The following EDNRA variants were observed in gnomAD, a reference collection of about 807,000 sequenced individuals.
The protein encoded by EDNRA is endothelin receptor type A, also known as endothelin-1 receptor.
In EDNRA, 11 loss-of-function variants were observed where a neutral mutation model predicts 41.4. The ratio of observed to expected loss-of-function variants is 0.27; its 90% confidence interval spans 0.17 to 0.44. EDNRA has a LOEUF of 0.44. Ranked by LOEUF, EDNRA falls within the 20% of genes least tolerant of loss-of-function variation. The probability of loss-of-function intolerance (pLI) is 1.00; values close to 1 mark genes in which losing one functional copy is unlikely to be tolerated. For synonymous variants in EDNRA, 172 were observed against 183.0 expected (o/e 0.94, Z 0.49); for missense variants, 294 against 531.0 (o/e 0.55, Z 4.39).
intron 2 of EDNRA, chr4:147,495,410 G>C (rs1729270305): frequency 6.6e-6 from 1 of 152,114 alleles, no homozygotes; most frequent in South Asian, 2.1e-4. Flanking sequence ...CCTTCTTTAA[G>C]ACAGAAGTAA....
chr4:147,542,687 A>G lies in EDNRA; in HGVS notation c.*69A>G. The G allele has an allele frequency of 6.4e-7, 1 of 1,569,418 alleles. No homozygotes were observed. The highest frequency in any genetic ancestry group is 8.7e-7 in the Non-Finnish European group (1 of 1,155,162). Reference sequence around the variant, plus strand: ...AGAAAAAAATCACAAGGCAACTGTGAGTCCGGGAATCTCTTCTCTGATCCT... The same window carrying G: ...AGAAAAAAATCACAAGGCAACTGTGGGTCCGGGAATCTCTTCTCTGATCCT... On this transcript the variant is annotated 3_prime_UTR_variant, in exon 8 of 8. Transcript: ENST00000651419.
intron 2 of EDNRA, among the ~76,000 whole-genome samples, chr4:147,497,508 G>C (rs1729346854): frequency 6.6e-6 from 1 of 151,950 alleles, no homozygotes; most frequent in Non-Finnish European, 1.5e-5. Flanking sequence ...TCTATTTGAG[G>C]ATACAAGCAA....
At chr4:147,504,877 A>T (rs1729633457) in intron 2 of EDNRA, among the ~76,000 whole-genome samples, 1 of 147,630 alleles carries the variant, frequency 6.8e-6, no homozygotes, top group South Asian at 2.2e-4. Flanking sequence ...AGAATCACTT[A>T]AACCTGGGAG....
chr4:147,497,963 A>G (rs560084759), intron 2 of EDNRA, among the ~76,000 whole-genome samples: 2 of 152,252 alleles, frequency 1.3e-5, no homozygotes, highest in African/African-American at 4.8e-5. Flanking sequence ...AAAGATTGGC[A>G]TCTTAATACA....
intron 3 of EDNRA, among the ~76,000 whole-genome samples, chr4:147,524,010 A>G (rs1369352265): frequency 6.6e-6 from 1 of 152,172 alleles, no homozygotes; most frequent in Non-Finnish European, 1.5e-5. Flanking sequence ...ATAAAGGAGT[A>G]GAAGAAAATA....
In EDNRA at chr4:147,519,725, C is replaced by A; in HGVS notation, c.421-126C>A. On this transcript the variant is annotated intron_variant, in intron 2 of 7. Transcript: ENST00000651419. The surrounding 1 kb of genome is among the most constrained non-coding windows in gnomAD (Gnocchi z 4.1). ...AAATAACAATTCTAATACTCTTTTG[C>A]TACAGTGCTAACTGAAAAGCACTGT... 1 of 1,109,470 alleles carries A rather than the reference C, an allele frequency of 9.0e-7. No homozygotes were observed. Among genetic ancestry groups the A allele is most frequent in the Admixed American group, 2.8e-5 (1 of 36,308 alleles). The allele number at this position is 1,109,470 out of a possible 1,614,324, so 68.7% of individuals were successfully genotyped here. A position where few individuals can be genotyped will look rare whatever the true frequency, so the allele number is the denominator to read the frequency against.
At chr4:147,533,255 C>T (rs9307837) in intron 4 of EDNRA, among the ~76,000 whole-genome samples, 51,732 of 151,964 alleles carry the variant, frequency 0.34, 10,484 homozygotes, top group African/African-American at 0.57. Flanking sequence ...TGTAGAACTT[C>T]TTAAAATAAT....
Position 147,523,493 on chromosome 4 carries a change from T to TTG in EDNRA, c.548+3516_548+3517insGT, listed in dbSNP as rs1553979451. Among the ~76,000 whole-genome samples the TTG allele has an allele frequency of 2.4e-3, 337 of 139,378 alleles. 2 individuals are homozygous for TTG. The highest frequency in any genetic ancestry group is 0.01 in the African/African-American group (320 of 31,622). 91.4% of individuals were successfully genotyped at this position (139,378 alleles called of 152,430 possible). On this transcript the variant is annotated intron_variant, in intron 3 of 7. Transcript: ENST00000651419. ...TTTGTTGTTGTTGTTTTTTTGTTTT[T>TTG]TTTGTTTTTTTTTTTGAGATGGAGT...
chr4:147,486,455 GGC>G lies in EDNRA; in HGVS notation c.420+355_420+356del, dbSNP rs1728948935. Among the ~76,000 whole-genome samples the G allele has an allele frequency of 6.6e-6, 1 of 152,098 alleles. No homozygotes were observed. Among genetic ancestry groups the G allele is most frequent in the African/African-American group, 2.4e-5 (1 of 41,398 alleles). On this transcript the variant is annotated intron_variant, in intron 2 of 7. Transcript: ENST00000651419. The surrounding 1 kb of genome is among the most constrained non-coding windows in gnomAD (Gnocchi z 4.3). ...GCAATTTCCAGAGTGAGAGCTACTA[GGC>G]CCAGAAAATACTTGAAACAAACATA...
At chr4:147,496,594 TA>T (rs1264368147) in intron 2 of EDNRA, among the ~76,000 whole-genome samples, 3 of 152,256 alleles carry the variant, frequency 2.0e-5, no homozygotes, top group African/African-American at 7.2e-5. Flanking sequence ...GTCACTATCC[TA>T]ACCCCTAAGC....
At chr4:147,502,626 A>G (rs1214307158) in intron 2 of EDNRA, among the ~76,000 whole-genome samples, 1 of 151,864 alleles carries the variant, frequency 6.6e-6, no homozygotes, top group Non-Finnish European at 1.5e-5. Context: ...CCAGTTTCCA[A>G]CTCCCATTTT....
intron 2 of EDNRA, chr4:147,494,837 T>C (rs1342513496): frequency 1.3e-5 from 2 of 152,084 alleles, no homozygotes; most frequent in Non-Finnish European, 2.9e-5. Flanking sequence ...TCCAGATGAG[T>C]GACATGAACT....
intron 4 of EDNRA, among the ~76,000 whole-genome samples, chr4:147,534,590 CGATAT>C (rs1560917513): frequency 6.6e-6 from 1 of 152,106 alleles, no homozygotes; most frequent in African/African-American, 2.4e-5. Flanking sequence ...CATTTTCATA[CGATAT>C]AACACTTGTA....
chr4:147,483,723 A>ATT (rs1338857662), intron 1 of EDNRA, among the ~76,000 whole-genome samples: 1 of 114,750 alleles, frequency 8.7e-6, no homozygotes, highest in African/African-American at 5.4e-5. Context: ...TTATTTATTT[A>ATT]ATTTTTTTTT....
At position 147,539,885 on chromosome 4, in the gene EDNRA, T is replaced by C. The variant is rs5333; in HGVS notation, c.969T>C (p.His323=). The change falls in exon 6 of 8, where the codon CAT becomes CAC. Residue 323 remains histidine, a synonymous_variant. Coordinates refer to ENST00000651419, the MANE Select transcript of EDNRA (RefSeq NM_001957.4). Reference sequence around the variant, plus strand: ...TTGCTCTTTGCTGGTTCCCTCTTCATTTAAGCCGTATATTGAAGAAAACTG... The same window carrying C: ...TTGCTCTTTGCTGGTTCCCTCTTCACTTAAGCCGTATATTGAAGAAAACTG... The part of the protein sequence containing the change: ...VIFALCWFPL[H]LSRILKKTVY... 437,144 of 1,611,714 alleles carry C rather than the reference T, an allele frequency of 0.27. 64,869 individuals are homozygous for C. Among genetic ancestry groups the C allele is most frequent in the African/African-American group, 0.58 (43,015 of 74,656 alleles).
At chr4:147,502,091 G>T (rs1404105257) in intron 2 of EDNRA, among the ~76,000 whole-genome samples, 2 of 151,946 alleles carry the variant, frequency 1.3e-5, no homozygotes, top group Non-Finnish European at 2.9e-5. Flanking sequence ...GTTCCTATAT[G>T]CTAAGATTGC....
chr4:147,498,672 C>G (rs1179030888), intron 2 of EDNRA, among the ~76,000 whole-genome samples: 1 of 152,210 alleles, frequency 6.6e-6, no homozygotes, highest in Non-Finnish European at 1.5e-5. Flanking sequence ...AACTGCCCTG[C>G]CCCTTCCTCT....
rs553932592 is a variant in EDNRA, at chr4:147,514,452, A to G, written c.421-5399A>G. Among the ~76,000 whole-genome samples the G allele has an allele frequency of 7.1e-4, 102 of 144,266 alleles. 1 individual carries two copies. The highest frequency in any genetic ancestry group is 7.6e-4 in the Non-Finnish European group (50 of 65,862). The allele number at this position is 144,266 out of a possible 152,430, so 94.6% of individuals were successfully genotyped here. A position where few individuals can be genotyped will look rare whatever the true frequency, so the allele number is the denominator to read the frequency against. ...AGGGGATGCAGGCTACATGGCCCCAACACGATTTTTTCTTTTTCTTTTTCT... is the reference window on the plus strand; with the variant it reads ...AGGGGATGCAGGCTACATGGCCCCAGCACGATTTTTTCTTTTTCTTTTTCT... On this transcript the variant is annotated intron_variant, in intron 2 of 7. Transcript: ENST00000651419.
At chr4:147,538,735 A>G (rs1730997586) in intron 5 of EDNRA, among the ~76,000 whole-genome samples, 1 of 152,198 alleles carries the variant, frequency 6.6e-6, no homozygotes, top group East Asian at 1.9e-4. Context: ...AAGAACTCCC[A>G]GTTCCTTTAG....
Sources: allele counts gnomAD v4.1 joint callset (sites outside exome capture counted in the v4.1 genomes callset), GRCh38; gene constraint gnomAD v4.1.1; non-coding constraint Gnocchi (gnomAD v3.1); transcripts MANE v1.5; gene names NCBI Gene and HGNC (gene_info 2026-07-23, HGNC 2026-07-21).